The following MUC17 variants were observed in gnomAD, a reference collection of about 807,000 sequenced individuals.
MUC17 encodes mucin 17, cell surface associated.
A neutral mutation model predicts 170.3 loss-of-function variants in MUC17; 190 were observed. The observed-to-expected ratio is 1.12, with a 90% CI of 0.99 to 1.26. The LOEUF (loss-of-function observed/expected upper bound fraction) is 1.26. MUC17 is among the 50% of genes most tolerant of loss of function. The probability of loss-of-function intolerance (pLI) is 0.00; values close to 1 mark genes in which losing one functional copy is unlikely to be tolerated. For missense variants in MUC17, 6,415 were observed against 5,530.0 expected, an observed-to-expected ratio of 1.16 and a Z score of -5.08; for synonymous variants, 2,325 against 2,002.5, an observed-to-expected ratio of 1.16 and a Z score of -4.30.
chr7:101,052,997 C>T lies in MUC17; in HGVS notation c.13115C>T (p.Thr4372Met), dbSNP rs199864047. Residue 4372 changes from threonine (T) to methionine (M), a missense_variant, in exon 10 of 13, where the codon ACG (threonine) becomes ATG (methionine). Physicochemically the swap from Thr to Met is moderately conservative, Grantham distance 81 (BLOSUM62 -1). Coordinates refer to ENST00000306151, the MANE Select transcript of MUC17 (RefSeq NM_001040105.2). ...CTCTCCCATCTCAGCTGCGTGACCA[C>T]GGAAACTCACTGGTACAGTGGGGAG... ...LSGPQCLCVT[T>M]ETHWYSGETC... The T allele has an allele frequency of 1.3e-4, 215 of 1,612,872 alleles. 1 individual carries two copies. The East Asian group carries it at 4.4e-3, about 33-fold the overall frequency.
At chr7:101,049,666 C>T (rs1562822656) in intron 6 of MUC17, among the ~76,000 whole-genome samples, 1 of 152,140 alleles carries the variant, frequency 6.6e-6, no homozygotes, top group Non-Finnish European at 1.5e-5. Flanking sequence ...CCTCTGTGCA[C>T]ATCTCCCTGC....
chr7:101,022,709 G>A (rs959300986), intron 1 of MUC17, among the ~76,000 whole-genome samples: 1 of 152,116 alleles, frequency 6.6e-6, no homozygotes, highest in Non-Finnish European at 1.5e-5. Flanking sequence ...CCACCTACCT[G>A]GGAGGCTGAG....
In MUC17 at chr7:101,043,050, T is replaced by A; in HGVS notation, c.11634T>A (p.Thr3878=). 6.2e-7 allele frequency: 1 copy of A among 1,614,058 alleles called. No homozygotes were observed. The highest frequency in any genetic ancestry group is 8.5e-7 in the Non-Finnish European group (1 of 1,180,018). ...ITSERSTPLT[T]LLVSTTLPTS... ...GTGAAAGAAGCACTCCATTAACAAC[T>A]CTCCTTGTCAGCACCACACTTCCAA... The change falls in exon 3 of 13, where the codon ACT becomes ACA. Residue 3878 remains threonine (T), a synonymous_variant. Coordinates refer to ENST00000306151, the MANE Select transcript of MUC17 (RefSeq NM_001040105.2).
At chr7:101,050,660 G>C (rs1177962692) in intron 7 of MUC17, 25 bp downstream of exon 7, 2 of 1,608,684 alleles carry the variant, frequency 1.2e-6, no homozygotes, top group South Asian at 2.2e-5. Flanking sequence ...TCCAGGGAGG[G>C]AAGGGAGAAG....
intron 11 of MUC17, chr7:101,053,732 T>G: frequency 5.4e-6 from 1 of 185,764 alleles, no homozygotes; most frequent in Non-Finnish European, 1.1e-5. Flanking sequence ...ACAAAAAAAT[T>G]AGCTGGGCAT....
chr7:101,036,257 C>T lies in MUC17; in HGVS notation c.4841C>T (p.Thr1614Ile). The change falls in exon 3 of 13, where the codon ACA (threonine) becomes ATA (isoleucine). Residue 1614 changes from threonine (T) to isoleucine (I), a missense_variant. Transcript: ENST00000306151. ...VTASTEASSS[T>I]TAEGSSMTIS... ...GCTTCTACTGAAGCCAGTTCATCTA[C>T]AACCGCTGAAGGTAGCAGCATGACA... 6.2e-7 allele frequency: 1 copy of T among 1,614,054 alleles called. No homozygotes were observed. The highest frequency in any genetic ancestry group is 1.1e-5 in the South Asian group (1 of 91,088).
Position 101,038,969 on chromosome 7 carries a change from C to A in MUC17, c.7553C>A (p.Thr2518Lys). ...STASEGSTLLTSIPVSTTPVA... is the reference protein window; with the variant it reads ...STASEGSTLLKSIPVSTTPVA... Reference sequence around the variant, plus strand: ...GCTAGTGAAGGAAGTACTCTATTAACAAGTATACCTGTCAGCACCACGCCA... The same window carrying A: ...GCTAGTGAAGGAAGTACTCTATTAAAAAGTATACCTGTCAGCACCACGCCA... The change falls in exon 3 of 13, where the codon ACA becomes AAA. Residue 2518 changes from threonine (T) to lysine (K), a missense_variant. Thr to Lys is a moderately conservative substitution (Grantham distance 78). Coordinates refer to ENST00000306151, the MANE Select transcript of MUC17 (RefSeq NM_001040105.2). 1 of 1,614,066 alleles carries A rather than the reference C, an allele frequency of 6.2e-7. No individual in the cohort carries two copies.
intron 1 of MUC17, among the ~76,000 whole-genome samples, chr7:101,024,994 C>T (rs906579640): frequency 6.6e-6 from 1 of 151,942 alleles, no homozygotes; most frequent in Non-Finnish European, 1.5e-5. Flanking sequence ...GCACTCCAGC[C>T]TGGGTAACAG....
chr7:101,038,961 T>C lies in MUC17; in HGVS notation c.7545T>C (p.Thr2515=). ...TCTCAACTGCTAGTGAAGGAAGTAC[T>C]CTATTAACAAGTATACCTGTCAGCA... The part of the protein sequence containing the change: ...VPISTASEGS[T]LLTSIPVSTT... Residue 2515 remains threonine, a synonymous_variant, in exon 3 of 13, where the codon ACT becomes ACC. Transcript: ENST00000306151. 6.2e-7 allele frequency: 1 copy of C among 1,614,060 alleles called. No individual in the cohort carries two copies. Among genetic ancestry groups the C allele is most frequent in the Non-Finnish European group, 8.5e-7 (1 of 1,180,002 alleles).
At chr7:101,056,088 G>T in intron 11 of MUC17, 106 bp from the exon 12 acceptor site, 1 of 1,509,568 alleles carries the variant, frequency 6.6e-7, no homozygotes, top group East Asian at 2.3e-5. Context: ...GTTTCCTAGG[G>T]GTAGAGAAAA....
At chr7:101,049,195 C>T (rs1394896518) in intron 5 of MUC17, 129 bp from the exon 6 acceptor site, 7 of 1,465,684 alleles carry the variant, frequency 4.8e-6, no homozygotes, top group Non-Finnish European at 6.6e-6. Context: ...TGGAAAGAAA[C>T]CACTCCATTT....
Position 101,032,119 on chromosome 7 carries a change from AC to A in MUC17, c.706del (p.Leu236PhefsTer2), listed in dbSNP as rs2116406381. The part of the protein sequence containing the change: ...TMKVASSEAI[T>X]LLTTPVEIST... The stretch of plus-strand genomic sequence containing the variant: ...GAAGGTGGCCAGTTCAGAGGCTATC[AC>A]CCTTTTGACAACTCCTGTTGAAATC... On this transcript the variant is annotated frameshift_variant, in exon 3 of 13. Coordinates refer to ENST00000306151, the MANE Select transcript of MUC17 (RefSeq NM_001040105.2). LOFTEE classifies it high-confidence loss of function. 3.7e-6 allele frequency: 6 copies of A among 1,613,726 alleles called. No homozygotes were observed. In the East Asian group the frequency reaches 1.3e-4, roughly 36 times the overall value.
Position 101,051,240 on chromosome 7 carries a change from C to G in MUC17, c.12875-373C>G, listed in dbSNP as rs568921863. On this transcript the variant is annotated intron_variant, in intron 7 of 12. Coordinates refer to ENST00000306151, the MANE Select transcript of MUC17 (RefSeq NM_001040105.2). ...ATTAGCCAGGCATGGTGGCAGATGC[C>G]TGTAGTTCTAGCTACTTGGGAGGCT... is the stretch of plus-strand genomic sequence containing the variant. Among the ~76,000 whole-genome samples, 3 of 151,978 alleles carry G rather than the reference C, an allele frequency of 2.0e-5. No homozygotes were observed. The South Asian group carries it at 6.2e-4, about 32-fold the overall frequency.
In MUC17 at chr7:101,056,216, G is replaced by A. The variant is rs1330555552; in HGVS notation, c.13386G>A (p.Glu4462=). 2 of 1,613,946 alleles carry A rather than the reference G, an allele frequency of 1.2e-6. No individual in the cohort carries two copies. Among genetic ancestry groups the A allele is most frequent in the Non-Finnish European group, 1.7e-6 (2 of 1,179,918 alleles). ...AAGATGATGATTCCATCCACCTGGA[G>A]TCCATCTATAGTAATTTCCAGCCCT... The part of the protein sequence containing the change: ...ICQDDDSIHL[E]SIYSNFQPSL... The change falls in exon 12 of 13, where the codon GAG becomes GAA. Residue 4462 remains glutamate, a synonymous_variant. Coordinates refer to ENST00000306151, the MANE Select transcript of MUC17 (RefSeq NM_001040105.2).
At position 101,049,399 on chromosome 7, in the gene MUC17, T is replaced by A. The variant is rs10246021; in HGVS notation, c.12722+17T>A. ...AAAGCTACGGTAAGTGTCTGGGCCC[T>A]TGGGAAGAGGGTCTGTGGCGTGGAA... On this transcript the variant is annotated intron_variant, in intron 6 of 12. Transcript: ENST00000306151. 28 of 1,606,694 alleles carry A rather than the reference T, an allele frequency of 1.7e-5. No individual in the cohort carries two copies. Among genetic ancestry groups the A allele is most frequent in the Admixed American group, 5.1e-5 (3 of 59,190 alleles).
At position 101,036,878 on chromosome 7, in the gene MUC17, C is replaced by A. The variant is rs367815935; in HGVS notation, c.5462C>A (p.Ala1821Asp). ...TSTPVSHTLVANSEASTLSTT... is the reference protein window; with the variant it reads ...TSTPVSHTLVDNSEASTLSTT... ...ACACCTGTCAGCCACACGCTGGTGG[C>A]CAATTCTGAGGCTAGCACCCTTTCA... The change falls in exon 3 of 13, where the codon GCC becomes GAC. Residue 1821 changes from alanine (A) to aspartate (D), a missense_variant. Coordinates refer to ENST00000306151, the MANE Select transcript of MUC17 (RefSeq NM_001040105.2). 2.9e-5 allele frequency: 47 copies of A among 1,605,174 alleles called. No individual in the cohort carries two copies. Among genetic ancestry groups the A allele is most frequent in the Non-Finnish European group, 3.7e-5 (44 of 1,177,774 alleles).
intron 11 of MUC17, among the ~76,000 whole-genome samples, 171 bp from the exon 12 acceptor site, chr7:101,056,023 G>T (rs1460234490): frequency 6.6e-6 from 1 of 152,170 alleles, no homozygotes; most frequent in African/African-American, 2.4e-5. Context: ...GCCTGTATTA[G>T]GGAGCTGCTG....
At chr7:101,046,998 G>A (rs1584874373) in intron 3 of MUC17, among the ~76,000 whole-genome samples, 1 of 151,206 alleles carries the variant, frequency 6.6e-6, no homozygotes, top group East Asian at 1.9e-4. Context: ...GGAGAATGGC[G>A]TGAACCTGGG....
Position 101,039,508 on chromosome 7 carries a change from C to T in MUC17, c.8092C>T (p.Leu2698Phe), listed in dbSNP as rs1794613574. Reference sequence around the variant, plus strand: ...AAGAAGCACTCCATTAACAAATATACTTGTCAGCACCACGCTGTTGGCCAA... The same window carrying T: ...AAGAAGCACTCCATTAACAAATATATTTGTCAGCACCACGCTGTTGGCCAA... ...GERSTPLTNI[L>F]VSTTLLANSE... Residue 2698 changes from leucine to phenylalanine, a missense_variant, in exon 3 of 13, where the codon CTT becomes TTT. Transcript: ENST00000306151. The T allele has an allele frequency of 6.2e-7, 1 of 1,610,848 alleles. No individual in the cohort carries two copies. Among genetic ancestry groups the T allele is most frequent in the Non-Finnish European group, 8.5e-7 (1 of 1,178,554 alleles).
Sources: gnomAD v4.1 joint callset for allele counts (sites outside exome capture counted in the v4.1 genomes callset) on GRCh38, gnomAD v4.1.1 for gene constraint, MANE v1.5 for transcripts, NCBI Gene and HGNC (gene_info 2026-07-23, HGNC 2026-07-21) for gene names.